The following ATP8A1 variants were observed in gnomAD, a reference collection of about 807,000 sequenced individuals.
ATP8A1 encodes phospholipid-transporting ATPase IA.
In ATP8A1, 90 loss-of-function variants were observed where a neutral mutation model predicts 177.7. The ratio of observed to expected loss-of-function variants is 0.51; its 90% CI spans 0.43 to 0.60. The LOEUF is 0.60. Ranked by LOEUF, ATP8A1 falls within the 20% of genes least tolerant of loss-of-function variation. The pLI is 0.00. For synonymous variants in ATP8A1, 493 were observed against 485.9 expected (o/e 1.01, Z -0.19); for missense variants, 1,072 against 1,392.8 (o/e 0.77, Z 3.67).
At chr4:42,542,815 G>A (rs933456982) in intron 20 of ATP8A1, among the ~76,000 whole-genome samples, 2 of 151,694 alleles carry the variant, frequency 1.3e-5, no homozygotes, top group African/African-American at 4.8e-5. Flanking sequence ...ATGTGTTAAA[G>A]TCTCTCTTTA....
chr4:42,478,086 G>A (rs1332293214), intron 25 of ATP8A1, among the ~76,000 whole-genome samples: 3 of 152,014 alleles, frequency 2.0e-5, no homozygotes, highest in Admixed American at 6.5e-5. Flanking sequence ...TTTGGCGGGC[G>A]GCTCATGCCT....
intron 25 of ATP8A1, among the ~76,000 whole-genome samples, chr4:42,480,139 TA>T (rs1424692354): frequency 6.6e-6 from 1 of 152,052 alleles, no homozygotes; most frequent in African/African-American, 2.4e-5. Flanking sequence ...ATTTCTTATA[TA>T]TTTTTAGACA....
At chr4:42,517,711 CG>C (rs2153197225) in intron 22 of ATP8A1, among the ~76,000 whole-genome samples, 1 of 152,312 alleles carries the variant, frequency 6.6e-6, no homozygotes, top group South Asian at 2.1e-4. Context: ...GCAACTGATT[CG>C]TGAAACAACT....
In ATP8A1 at chr4:42,451,444, T is replaced by C. The variant is rs372828692; in HGVS notation, c.2896+537A>G. Among the ~76,000 whole-genome samples the C allele has an allele frequency of 1.3e-3, 195 of 152,324 alleles. 1 individual carries two copies. Among genetic ancestry groups the C allele is most frequent in the African/African-American group, 4.4e-3 (181 of 41,584 alleles). ...TAAAGTAGCTATTTAATGACTTTTA[T>C]GTGTATAGGAAATGCACCATGATCC... is the stretch of plus-strand genomic sequence containing the variant. On this transcript the variant is annotated intron_variant, in intron 30 of 36. Transcript: ENST00000381668.
chr4:42,590,454 T>C (rs780768022), intron 7 of ATP8A1, among the ~76,000 whole-genome samples: 11 of 152,156 alleles, frequency 7.2e-5, no homozygotes, highest in Non-Finnish European at 1.6e-4. Context: ...CTTAACATTA[T>C]TCAAAATAAT....
intron 22 of ATP8A1, among the ~76,000 whole-genome samples, chr4:42,513,895 C>T (rs761389494): frequency 1.1e-4 from 16 of 152,118 alleles, no homozygotes; most frequent in African/African-American, 3.4e-4. Context: ...GTTTAAAATA[C>T]GTTAACTCTG....
intron 33 of ATP8A1, among the ~76,000 whole-genome samples, chr4:42,428,320 A>C (rs1020400591): frequency 1.3e-5 from 2 of 152,190 alleles, no homozygotes; most frequent in Non-Finnish European, 2.9e-5. Flanking sequence ...CAAACCTCAC[A>C]CATCCCACAC....
chr4:42,496,245 C>A (rs1185083496), intron 24 of ATP8A1, among the ~76,000 whole-genome samples: 1 of 152,066 alleles, frequency 6.6e-6, no homozygotes, highest in East Asian at 1.9e-4. Context: ...CAGACAAATC[C>A]AGGGAAAGGA....
chr4:42,470,708 T>TG (rs1359643008), intron 25 of ATP8A1, among the ~76,000 whole-genome samples: 4 of 152,162 alleles, frequency 2.6e-5, no homozygotes, highest in African/African-American at 4.8e-5. Flanking sequence ...TAGAAGAATA[T>TG]GAAGGAACAT....
At chr4:42,466,301 T>A (rs945381272) in intron 25 of ATP8A1, among the ~76,000 whole-genome samples, 8 of 152,220 alleles carry the variant, frequency 5.3e-5, no homozygotes, top group African/African-American at 1.4e-4. Flanking sequence ...ATAATAAATA[T>A]CTGCTAAAAC....
At chr4:42,437,089 A>G (rs74495657) in intron 33 of ATP8A1, among the ~76,000 whole-genome samples, 6,213 of 152,308 alleles carry the variant, frequency 0.041, 160 homozygotes, top group South Asian at 0.059. Context: ...GTAGTTTTAT[A>G]GATCCCTTAG....
At chr4:42,550,538 C>T (rs1385533755) in intron 18 of ATP8A1, among the ~76,000 whole-genome samples, 1 of 152,120 alleles carries the variant, frequency 6.6e-6, no homozygotes, top group Non-Finnish European at 1.5e-5. Context: ...GGGACTTTAC[C>T]ACTTTACACA....
chr4:42,584,609 A>G (rs1262175908), intron 9 of ATP8A1, among the ~76,000 whole-genome samples: 1 of 152,076 alleles, frequency 6.6e-6, no homozygotes, highest in Non-Finnish European at 1.5e-5. Flanking sequence ...CATCTCTTTC[A>G]CTAGTGCCTT....
intron 1 of ATP8A1, among the ~76,000 whole-genome samples, chr4:42,645,490 G>A (rs907619081): frequency 1.3e-5 from 2 of 152,162 alleles, no homozygotes; most frequent in East Asian, 3.9e-4. Flanking sequence ...GAATTACCTA[G>A]GAGATAAAAT....
chr4:42,455,184 G>A (rs977477501), intron 29 of ATP8A1, 113 bp downstream of exon 29: 2 of 1,328,964 alleles, frequency 1.5e-6, no homozygotes, highest in Non-Finnish European at 1.0e-6. Context: ...TCGGTACCCT[G>A]GAGTTGTCTC....
At chr4:42,537,194 A>G (rs868481980) in intron 20 of ATP8A1, among the ~76,000 whole-genome samples, 1 of 152,124 alleles carries the variant, frequency 6.6e-6, no homozygotes, top group Non-Finnish European at 1.5e-5. Context: ...TAGATGCAGA[A>G]AAGGCATTTG....
rs1712650479 is a variant in ATP8A1 at position 42,411,837 on chromosome 4, A to C, written c.*1079T>G. 6.6e-6 allele frequency: 1 copy of C among 152,192 alleles called. No individual in the cohort carries two copies. Among genetic ancestry groups the C allele is most frequent in the Non-Finnish European group, 1.5e-5 (1 of 68,026 alleles). 9.4% of individuals were successfully genotyped at this position (152,192 alleles called of 1,614,324 possible). ...TGAAATAATTTTCAGTCTTCAGTAT[A>C]GGGGGCAGTCACCATAACACTGGGT... On this transcript the variant is annotated 3_prime_UTR_variant, in exon 37 of 37. Coordinates refer to ENST00000381668, the MANE Select transcript of ATP8A1 (RefSeq NM_006095.2).
intron 25 of ATP8A1, among the ~76,000 whole-genome samples, chr4:42,474,378 T>C (rs1578007188): frequency 6.6e-6 from 1 of 152,206 alleles, no homozygotes; most frequent in Non-Finnish European, 1.5e-5. Context: ...CTGGGCTGGA[T>C]GGAGCCTCAC....
chr4:42,526,070 C>G (rs1445475198), intron 20 of ATP8A1, among the ~76,000 whole-genome samples: 3 of 151,936 alleles, frequency 2.0e-5, no homozygotes, highest in Non-Finnish European at 4.4e-5. Context: ...ACATTCCATT[C>G]TAAAACTAAG....
Sources: allele counts gnomAD v4.1 joint callset (sites outside exome capture counted in the v4.1 genomes callset), GRCh38; gene constraint gnomAD v4.1.1; transcripts MANE v1.5; gene names NCBI Gene and HGNC (gene_info 2026-07-23, HGNC 2026-07-21).